Variants in MYMX observed in about 807,000 individuals in gnomAD.
MYMX encodes the protein protein myomixer.
chr6:44,216,523 A>C (rs1457870823), upstream of MYMX, among the ~76,000 whole-genome samples: 2 of 151,750 alleles, frequency 1.3e-5, no homozygotes, highest in East Asian at 1.9e-4. Flanking sequence ...ATGATGGCAC[A>C]CTCCTATAAT....
At chr6:44,195,401 G>A in the MYMX span, among the ~76,000 whole-genome samples, 1 of 152,124 alleles carries the variant, frequency 6.6e-6, no homozygotes, top group Non-Finnish European at 1.5e-5. Flanking sequence ...CGCCATCTCT[G>A]CCCGTTCTCC....
At chr6:44,208,719 C>G in the MYMX span, among the ~76,000 whole-genome samples, 5 of 152,172 alleles carry the variant, frequency 3.3e-5, no homozygotes, top group African/African-American at 1.2e-4. Flanking sequence ...GCAGAAGCAC[C>G]TAGGGTGAGT....
the MYMX span, among the ~76,000 whole-genome samples, chr6:44,196,724 T>C: frequency 2.0e-5 from 3 of 152,116 alleles, no homozygotes; most frequent in Non-Finnish European, 4.4e-5. Context: ...TTTGGGAGGC[T>C]GAGGTGGGCG....
chr6:44,199,500 C>A, the MYMX span, among the ~76,000 whole-genome samples: 1 of 152,040 alleles, frequency 6.6e-6, no homozygotes, highest in Admixed American at 6.5e-5. Flanking sequence ...GCCTGGCCCC[C>A]CTCTTCTTTT....
the MYMX span, among the ~76,000 whole-genome samples, chr6:44,208,236 G>C: frequency 4.6e-5 from 6 of 131,854 alleles, no homozygotes; most frequent in Admixed American, 5.0e-4. Context: ...AACAGAGTGA[G>C]ATCTTGTCTC....
rs561913108 is a variant in MYMX at position 44,216,968 on chromosome 6, G to C, written c.-23G>C. ...CTGATTCTGAGCAGCAGTTCTGCCC[G>C]GTGAGAGCTGCCGTGGATTGGTGGG... On this transcript the variant is annotated splice_region_variant and 5_prime_UTR_variant, in exon 1 of 2. Coordinates refer to ENST00000573382, the MANE Select transcript of MYMX (RefSeq NM_001315494.2). 2.6e-5 allele frequency: 4 copies of C among 153,822 alleles called. No individual in the cohort carries two copies. The highest frequency in any genetic ancestry group is 9.6e-5 in the African/African-American group (4 of 41,660). The allele number at this position is 153,822 out of a possible 1,614,324, so 9.5% of individuals were successfully genotyped here. A position where few individuals can be genotyped will look rare whatever the true frequency, so the allele number is the denominator to read the frequency against.
At chr6:44,203,240 C>T in the MYMX span, among the ~76,000 whole-genome samples, 3 of 152,152 alleles carry the variant, frequency 2.0e-5, no homozygotes, top group Non-Finnish European at 4.4e-5. Context: ...CAGTGGAGCC[C>T]TGGAACCCAG....
At position 44,217,519 on chromosome 6, in the gene MYMX, C is replaced by A; in HGVS notation, c.48C>A (p.Cys16Ter). The change falls in exon 2 of 2, where the codon TGC becomes TGA. Residue 16 changes from cysteine (C) to a stop codon, truncating the protein, a stop_gained. Transcript: ENST00000573382. LOFTEE classifies it high-confidence loss of function. ...LPLLLRLLLSCLLLPAARLAR... is the reference protein window; with the variant it reads ...LPLLLRLLLS Reference sequence around the variant, plus strand: ...TGCTGCTTCGATTGCTGCTGTCCTGCCTGCTGCTGCCTGCTGCCCGCCTGG... The same window carrying A: ...TGCTGCTTCGATTGCTGCTGTCCTGACTGCTGCTGCCTGCTGCCCGCCTGG... The A allele has an allele frequency of 2.5e-6, 1 of 405,232 alleles. No homozygotes were observed. The highest frequency in any genetic ancestry group is 4.4e-6 in the Non-Finnish European group (1 of 229,822). The allele number at this position is 405,232 out of a possible 1,614,324, so 25.1% of individuals were successfully genotyped here.
chr6:44,212,327 C>T (rs1230161437), upstream of MYMX, among the ~76,000 whole-genome samples: 5 of 151,918 alleles, frequency 3.3e-5, no homozygotes, highest in Admixed American at 2.0e-4. Flanking sequence ...CTCAGCTGAA[C>T]CCAGGAGGCT....
the MYMX span, among the ~76,000 whole-genome samples, chr6:44,205,531 C>A: frequency 3.3e-5 from 5 of 151,934 alleles, no homozygotes; most frequent in South Asian, 1.0e-3. Context: ...AAATTAGCGG[C>A]TGGGGGCGGT....
At chr6:44,217,037 C>G (rs541356741) in intron 1 of MYMX, 69 bp downstream of exon 1, 2 of 143,532 alleles carry the variant, frequency 1.4e-5, no homozygotes, top group African/African-American at 5.4e-5. Flanking sequence ...CAGGGTGGAT[C>G]AGGAGCCCCA....
chr6:44,196,611 G>A, the MYMX span, among the ~76,000 whole-genome samples: 6 of 152,030 alleles, frequency 3.9e-5, no homozygotes, highest in African/African-American at 9.7e-5. Context: ...CCCGGGAGGC[G>A]GAATTTGCGT....
At chr6:44,214,657 C>T (rs1326844712), upstream of MYMX, among the ~76,000 whole-genome samples, 5 of 152,168 alleles carry the variant, frequency 3.3e-5, no homozygotes, top group African/African-American at 1.2e-4. Context: ...ACGGCCACCT[C>T]TGTCTCCCGG....
chr6:44,198,185 T>C, the MYMX span, among the ~76,000 whole-genome samples: 2 of 122,886 alleles, frequency 1.6e-5, no homozygotes, highest in African/African-American at 3.2e-5. Context: ...TTTTTTGAGA[T>C]AGAGTCTCGC....
rs141609707 is a variant in MYMX, at chr6:44,217,479, C to A, written c.8C>A (p.Thr3Lys). 3.0e-5 allele frequency: 12 copies of A among 403,644 alleles called. No individual in the cohort carries two copies. The Admixed American group carries it at 3.1e-4, about 10-fold the overall frequency. 25.0% of individuals were successfully genotyped at this position (403,644 alleles called of 1,614,324 possible). The change falls in exon 2 of 2, where the codon ACG becomes AAG. Residue 3 changes from threonine to lysine, a missense_variant. Physicochemically the swap from Thr to Lys is moderately conservative, Grantham distance 78. Transcript: ENST00000573382. ...TGACTCACTGGCCCTGCCATGCCCACGCCACTGCTCCCGCTGCTGCTTCGA... is the reference window on the plus strand; with the variant it reads ...TGACTCACTGGCCCTGCCATGCCCAAGCCACTGCTCCCGCTGCTGCTTCGA... Reference protein sequence around the residue: MPTPLLPLLLRLL... With the variant: MPKPLLPLLLRLL...
chr6:44,212,183 G>C (rs1262079101), upstream of MYMX, among the ~76,000 whole-genome samples: 1 of 151,934 alleles, frequency 6.6e-6, no homozygotes, highest in African/African-American at 2.4e-5. Context: ...AGGCGGGAGG[G>C]TCACTTGAGC....
At chr6:44,210,535 A>G in the MYMX span, among the ~76,000 whole-genome samples, 1 of 151,902 alleles carries the variant, frequency 6.6e-6, no homozygotes, top group African/African-American at 2.4e-5. Flanking sequence ...CGATCTTCCT[A>G]CCTCAGCCTC....
the MYMX span, among the ~76,000 whole-genome samples, chr6:44,194,735 A>G: frequency 6.6e-6 from 1 of 152,204 alleles, no homozygotes; most frequent in East Asian, 1.9e-4. Flanking sequence ...CCTAACTGCC[A>G]GGCCACACTG....
the MYMX span, among the ~76,000 whole-genome samples, chr6:44,200,201 C>T: frequency 6.6e-6 from 1 of 152,142 alleles, no homozygotes; most frequent in African/African-American, 2.4e-5. Flanking sequence ...TAATACTTTA[C>T]TGACCATTAC....
Sources: gnomAD v4.1 joint callset for allele counts (sites outside exome capture counted in the v4.1 genomes callset) on GRCh38, gnomAD v4.1.1 for gene constraint, MANE v1.5 for transcripts, NCBI Gene and HGNC (gene_info 2026-07-23, HGNC 2026-07-21) for gene names.